ROBO2: variants seen among roughly 807,000 people sequenced by gnomAD.
ROBO2 encodes the protein roundabout guidance receptor 2.
ROBO2 carries 53 observed loss-of-function variants against 160.8 expected under a neutral mutation model. The observed-to-expected ratio is 0.33, with a 90% CI of 0.26 to 0.41. ROBO2 has a LOEUF of 0.41. Among genes scored for constraint, ROBO2 ranks in the 10% least tolerant of loss-of-function variants. The probability of loss-of-function intolerance (pLI) is 1.00; values close to 1 mark genes in which losing one functional copy is unlikely to be tolerated. For missense variants in ROBO2, 1,577 were observed against 1,722.4 expected, an observed-to-expected ratio of 0.92 and a Z score of 1.49; for synonymous variants, 664 against 611.7, an observed-to-expected ratio of 1.09 and a Z score of -1.26.
At chr3:76,586,815 C>T (rs944126313) in intron 2 of ROBO2, among the ~76,000 whole-genome samples, 4 of 152,186 alleles carry the variant, frequency 2.6e-5, no homozygotes, top group Admixed American at 6.5e-5. Flanking sequence ...AAAAGGAGTA[C>T]TGATCACATA....
intron 2 of ROBO2, among the ~76,000 whole-genome samples, chr3:76,991,945 C>G (rs2060689189): frequency 6.6e-6 from 1 of 152,214 alleles, no homozygotes; most frequent in Admixed American, 6.5e-5. Context: ...CTCTGGTATA[C>G]ATATGGGACA....
chr3:76,799,817 C>A (rs2064063221), intron 2 of ROBO2, among the ~76,000 whole-genome samples: 1 of 152,078 alleles, frequency 6.6e-6, no homozygotes, highest in Non-Finnish European at 1.5e-5. Context: ...AGATTCAATA[C>A]AATCTTTATC....
At chr3:76,380,321 A>C (rs139984046) in intron 2 of ROBO2, among the ~76,000 whole-genome samples, 55 of 152,300 alleles carry the variant, frequency 3.6e-4, no homozygotes, top group African/African-American at 1.1e-3. Context: ...ATATATGAAA[A>C]AGTACTTGCA....
rs566130078 is a variant in ROBO2 at position 76,322,367 on chromosome 3, A to G, written c.109+384765A>G. Among the ~76,000 whole-genome samples, 7 of 151,866 alleles carry G rather than the reference A, an allele frequency of 4.6e-5. No individual in the cohort carries two copies. The East Asian group carries it at 1.2e-3, about 25-fold the overall frequency. Reference sequence around the variant, plus strand: ...CTTCATTTATCAGTTATATGTTATCAGTTATCATTTTTACAGACATTTCAT... The same window carrying G: ...CTTCATTTATCAGTTATATGTTATCGGTTATCATTTTTACAGACATTTCAT... On this transcript the variant is annotated intron_variant, in intron 2 of 26. Transcript: ENST00000487694.
chr3:76,760,745 A>G (rs1387188347), intron 2 of ROBO2, among the ~76,000 whole-genome samples: 1 of 151,796 alleles, frequency 6.6e-6, no homozygotes, highest in African/African-American at 2.4e-5. Flanking sequence ...ATAAAGTGGA[A>G]TAATGAATTA....
intron 2 of ROBO2, among the ~76,000 whole-genome samples, chr3:77,422,092 T>C (rs2077765193): frequency 6.6e-6 from 1 of 152,182 alleles, no homozygotes; most frequent in Admixed American, 6.5e-5. Flanking sequence ...GGCAGCACAC[T>C]AGAAAACGCC....
At chr3:75,971,718 A>G (rs1406911971) in intron 2 of ROBO2, among the ~76,000 whole-genome samples, 1 of 151,496 alleles carries the variant, frequency 6.6e-6, no homozygotes, top group Non-Finnish European at 1.5e-5. Flanking sequence ...CTACATGGCT[A>G]AATCAGAGGG....
intron 2 of ROBO2, among the ~76,000 whole-genome samples, chr3:76,218,657 T>C (rs1406498100): frequency 1.3e-5 from 2 of 152,062 alleles, no homozygotes; most frequent in Non-Finnish European, 2.9e-5. Context: ...CTCAAGGAAA[T>C]AAAAGACGAT....
chr3:76,530,219 A>T (rs1285256464), intron 2 of ROBO2, among the ~76,000 whole-genome samples: 2 of 152,180 alleles, frequency 1.3e-5, no homozygotes, highest in African/African-American at 2.4e-5. Flanking sequence ...TTCTTTAAAG[A>T]TGTAGGATTT....
chr3:77,389,318 C>T (rs914795224), intron 2 of ROBO2, among the ~76,000 whole-genome samples: 1 of 152,006 alleles, frequency 6.6e-6, no homozygotes, highest in African/African-American at 2.4e-5. Flanking sequence ...GCTGACTGTG[C>T]CTATGTGTAT....
chr3:77,567,005 A>G (rs2093502253), intron 12 of ROBO2, among the ~76,000 whole-genome samples: 1 of 152,008 alleles, frequency 6.6e-6, no homozygotes, highest in South Asian at 2.1e-4. Context: ...ACATACATAT[A>G]TAGGCATAGA....
intron 2 of ROBO2, among the ~76,000 whole-genome samples, chr3:76,175,167 A>G (rs1238964309): frequency 1.4e-4 from 21 of 151,688 alleles, no homozygotes; most frequent in East Asian, 7.8e-4. Context: ...CTGCTTGTCT[A>G]TTATTGGTGT....
chr3:77,505,658 G>A (rs1025899426), intron 5 of ROBO2, among the ~76,000 whole-genome samples: 1 of 152,052 alleles, frequency 6.6e-6, no homozygotes, highest in Non-Finnish European at 1.5e-5. Flanking sequence ...ATATAAAAAT[G>A]TGCATCTTAA....
At chr3:77,643,587 G>C (rs187758770) in intron 24 of ROBO2, among the ~76,000 whole-genome samples, 187 of 152,164 alleles carry the variant, frequency 1.2e-3, no homozygotes, top group Middle Eastern at 3.4e-3. Flanking sequence ...GGTGTGGCGC[G>C]GGAGGTGGGG....
chr3:77,276,744 T>C (rs1399956536), intron 2 of ROBO2, among the ~76,000 whole-genome samples: 2 of 152,010 alleles, frequency 1.3e-5, no homozygotes, highest in African/African-American at 4.8e-5. Context: ...ATACCCAAGA[T>C]TGGGTAATGT....
intron 2 of ROBO2, among the ~76,000 whole-genome samples, chr3:76,079,370 A>G (rs1394892030): frequency 6.6e-6 from 1 of 152,170 alleles, no homozygotes; most frequent in African/African-American, 2.4e-5. Flanking sequence ...TCATTTGATC[A>G]TTAAACATTG....
At chr3:76,104,739 C>T (rs945427990) in intron 2 of ROBO2, among the ~76,000 whole-genome samples, 2 of 152,036 alleles carry the variant, frequency 1.3e-5, no homozygotes, top group Non-Finnish European at 2.9e-5. Context: ...ACATTTCTAG[C>T]GAGTATGATG....
chr3:77,577,863 A>C (rs2093809542), intron 15 of ROBO2, among the ~76,000 whole-genome samples: 1 of 152,058 alleles, frequency 6.6e-6, no homozygotes, highest in Admixed American at 6.6e-5. Context: ...GTATAGTGTG[A>C]CTCTACAACC....
intron 2 of ROBO2, among the ~76,000 whole-genome samples, chr3:77,450,390 A>G (rs539030776): frequency 6.6e-6 from 1 of 152,210 alleles, no homozygotes; most frequent in East Asian, 1.9e-4. Flanking sequence ...GACCTTTGGA[A>G]TATCACTTTC....
Sources: allele counts gnomAD v4.1 joint callset (sites outside exome capture counted in the v4.1 genomes callset), GRCh38; gene constraint gnomAD v4.1.1; transcripts MANE v1.5; gene names NCBI Gene and HGNC (gene_info 2026-07-23, HGNC 2026-07-21).